The following DCHS2 variants were observed in gnomAD, a reference collection of about 807,000 sequenced individuals.
The protein encoded by DCHS2 is dachsous cadherin-related 2.
A neutral mutation model predicts 182.4 loss-of-function variants in DCHS2; 142 were observed. The observed-to-expected ratio is 0.78, with a 90% CI of 0.68 to 0.89. The LOEUF (loss-of-function observed/expected upper bound fraction) is 0.89. Among genes scored for constraint, DCHS2 ranks in the 40% least tolerant of loss-of-function variants. The pLI is 0.00. For missense variants in DCHS2, 4,319 were observed against 4,198.6 expected, an observed-to-expected ratio of 1.03 and a Z score of -0.79; for synonymous variants, 1,740 against 1,663.3, an observed-to-expected ratio of 1.05 and a Z score of -1.12.
At chr4:154,379,586 T>A (rs1445350944) in intron 1 of DCHS2, among the ~76,000 whole-genome samples, 1 of 152,226 alleles carries the variant, frequency 6.6e-6, no homozygotes, top group African/African-American at 2.4e-5. Context: ...TAATTCTGGC[T>A]GTCTTGCATA....
At chr4:154,264,398 CA>C (rs1182122328) in intron 14 of DCHS2, among the ~76,000 whole-genome samples, 1 of 151,406 alleles carries the variant, frequency 6.6e-6, no homozygotes, top group Non-Finnish European at 1.5e-5. Flanking sequence ...GGCTATTTTT[CA>C]AAAGACAAAG....
chr4:154,360,183 A>T (rs898003938), intron 3 of DCHS2, among the ~76,000 whole-genome samples: 1 of 152,098 alleles, frequency 6.6e-6, no homozygotes, highest in African/African-American at 2.4e-5. Flanking sequence ...GCAATATTAC[A>T]TATGGAAAAG....
chr4:154,256,893 C>T (rs73857228), intron 15 of DCHS2, among the ~76,000 whole-genome samples: 1,651 of 152,108 alleles, frequency 0.011, 30 homozygotes, highest in African/African-American at 0.036. Flanking sequence ...CTCTTGGGAC[C>T]GAAAGGCTGC....
In DCHS2 at chr4:154,281,494, G is replaced by A. The variant is rs185517986; in HGVS notation, c.6464-11481C>T. Among the ~76,000 whole-genome samples, 24 of 152,072 alleles carry A rather than the reference G, an allele frequency of 1.6e-4. No homozygotes were observed. In the South Asian group the frequency reaches 1.9e-3, roughly 12 times the overall value. ...AATCAATGAGGTAAAATATTAATAC[G>A]TTGAAAATTTCAAAACATTACTGAA... On this transcript the variant is annotated intron_variant, in intron 13 of 19. Transcript: ENST00000357232.
At chr4:154,357,110 C>T (rs996981516) in intron 3 of DCHS2, 4 of 682,748 alleles carry the variant, frequency 5.9e-6, no homozygotes, top group African/African-American at 5.3e-5. Flanking sequence ...CATCAACGAA[C>T]CTTTGGCCTG....
intron 1 of DCHS2, among the ~76,000 whole-genome samples, chr4:154,431,485 C>G (rs1733557807): frequency 1.3e-5 from 2 of 151,906 alleles, no homozygotes; most frequent in African/African-American, 2.4e-5. Flanking sequence ...TCCTAGTCAT[C>G]TTCTTTTATA....
chr4:154,297,344 A>G (rs1329491834), intron 13 of DCHS2, among the ~76,000 whole-genome samples: 4 of 152,194 alleles, frequency 2.6e-5, no homozygotes, highest in Admixed American at 6.5e-5. Context: ...ATTGCTTCAG[A>G]TGTCTTGACA....
At chr4:154,441,548 A>G (rs906344671) in intron 1 of DCHS2, among the ~76,000 whole-genome samples, 21 of 139,228 alleles carry the variant, frequency 1.5e-4, no homozygotes, top group Admixed American at 7.7e-4. Flanking sequence ...GATAACATAA[A>G]TAAAAGTTTT....
chr4:154,399,067 A>C (rs1259190390), intron 1 of DCHS2, among the ~76,000 whole-genome samples: 2 of 152,184 alleles, frequency 1.3e-5, no homozygotes, highest in East Asian at 3.9e-4. Flanking sequence ...ACATCATCTT[A>C]AGAGGAGATT....
In DCHS2 at chr4:154,439,382, G is replaced by A. The variant is rs73854769; in HGVS notation, c.2052+49922C>T. Among the ~76,000 whole-genome samples the A allele has an allele frequency of 3.4e-3, 511 of 151,038 alleles. 1 individual carries two copies. The highest frequency in any genetic ancestry group is 0.011 in the African/African-American group (457 of 41,202). ...CTGAAAAAGTCCATTTTCCCATACC[G>A]TTTATATTTTACATTTTCACTCTTA... On this transcript the variant is annotated intron_variant, in intron 1 of 19. Coordinates refer to ENST00000357232, the MANE Select transcript of DCHS2 (RefSeq NM_001358235.2).
At chr4:154,283,355 A>C (rs1167068232) in intron 13 of DCHS2, among the ~76,000 whole-genome samples, 1 of 152,138 alleles carries the variant, frequency 6.6e-6, no homozygotes, top group African/African-American at 2.4e-5. Flanking sequence ...ATCATGCTTT[A>C]AAATGAAAAT....
At chr4:154,366,561 T>C (rs1248105313) in intron 2 of DCHS2, 120 bp from the exon 3 acceptor site, 1 of 701,174 alleles carries the variant, frequency 1.4e-6, no homozygotes, top group African/African-American at 1.8e-5. Flanking sequence ...TGGGGGTTTG[T>C]ATATGTATAT....
chr4:154,242,804 TCATCATCC>T (rs762594886), intron 16 of DCHS2, 32 bp from the exon 17 acceptor site: 4 of 1,580,764 alleles, frequency 2.5e-6, no homozygotes, highest in Non-Finnish European at 3.4e-6. Flanking sequence ...AGAATGTGAT[TCATCATCC>T]AGGAATTAGA....
intron 3 of DCHS2, among the ~76,000 whole-genome samples, chr4:154,365,797 C>T (rs1730322160): frequency 6.6e-6 from 1 of 151,864 alleles, no homozygotes; most frequent in Non-Finnish European, 1.5e-5. Context: ...TACAGGCGCC[C>T]ACCACCACGT....
At chr4:154,350,475 G>C (rs567549436) in intron 3 of DCHS2, among the ~76,000 whole-genome samples, 5 of 152,128 alleles carry the variant, frequency 3.3e-5, no homozygotes, top group African/African-American at 9.6e-5. Context: ...ACTACTTTCT[G>C]GGGCTGATTT....
chr4:154,487,021 C>A (rs1245519062), intron 1 of DCHS2, among the ~76,000 whole-genome samples: 1 of 152,228 alleles, frequency 6.6e-6, no homozygotes, highest in East Asian at 1.9e-4. Context: ...TAAACTCACA[C>A]CTCATAGAAG....
intron 1 of DCHS2, among the ~76,000 whole-genome samples, chr4:154,446,954 AC>A (rs1579091152): frequency 7.4e-6 from 1 of 135,716 alleles, no homozygotes; most frequent in East Asian, 3.5e-4. Flanking sequence ...GCACACTCAT[AC>A]ACACGCACAC....
chr4:154,252,813 G>A (rs1732446072), intron 16 of DCHS2, among the ~76,000 whole-genome samples: 1 of 152,042 alleles, frequency 6.6e-6, no homozygotes, highest in Admixed American at 6.6e-5. Context: ...TTTCTTTTTA[G>A]TGGGTATACA....
At chr4:154,442,517 T>C (rs1356761249) in intron 1 of DCHS2, among the ~76,000 whole-genome samples, 3 of 128,172 alleles carry the variant, frequency 2.3e-5, no homozygotes, top group Non-Finnish European at 4.8e-5. Context: ...TTGCTGTCAC[T>C]GAAAAGTGGA....
Sources: allele counts gnomAD v4.1 joint callset (sites outside exome capture counted in the v4.1 genomes callset), GRCh38; gene constraint gnomAD v4.1.1; transcripts MANE v1.5; gene names NCBI Gene and HGNC (gene_info 2026-07-23, HGNC 2026-07-21).